B3GALT1: variants seen among roughly 807,000 people sequenced by gnomAD.
B3GALT1 encodes the protein UDP-Gal:betaGlcNAc beta 1,3-galactosyltransferase, polypeptide 1.
In B3GALT1, 10 loss-of-function variants were observed where a neutral mutation model predicts 23.2. The ratio of observed to expected loss-of-function variants is 0.43; its 90% CI spans 0.27 to 0.73. The LOEUF is 0.73. B3GALT1 is among the 30% of genes least tolerant of loss of function. B3GALT1 has a pLI of 0.21. For synonymous variants in B3GALT1, 156 were observed against 141.5 expected (o/e 1.10, Z -0.73); for missense variants, 299 against 405.4 (o/e 0.74, Z 2.25).
chr2:167,482,194 A>G (rs951342426), intron 1 of B3GALT1, among the ~76,000 whole-genome samples: 2 of 152,186 alleles, frequency 1.3e-5, no homozygotes, highest in African/African-American at 4.8e-5. Context: ...AAATAATCTC[A>G]TAGTCTGACT....
intron 2 of B3GALT1, among the ~76,000 whole-genome samples, chr2:167,511,429 C>G (rs1430397129): frequency 6.6e-6 from 1 of 152,088 alleles, no homozygotes; most frequent in Non-Finnish European, 1.5e-5. Flanking sequence ...CCTGTCACCA[C>G]GTGAAGAAGG....
chr2:167,355,291 C>T (rs1346650588), intron 1 of B3GALT1, among the ~76,000 whole-genome samples: 1 of 152,192 alleles, frequency 6.6e-6, no homozygotes, highest in Non-Finnish European at 1.5e-5. Flanking sequence ...TACAGATAAT[C>T]TAAAAGTGAG....
At chr2:167,672,934 A>G (rs1299309509) in intron 3 of B3GALT1, among the ~76,000 whole-genome samples, 2 of 151,622 alleles carry the variant, frequency 1.3e-5, no homozygotes, top group East Asian at 3.9e-4. Context: ...GTAAAACACC[A>G]GTAGATTCTA....
chr2:167,708,588 G>A (rs902065109), intron 3 of B3GALT1, among the ~76,000 whole-genome samples: 4 of 152,186 alleles, frequency 2.6e-5, no homozygotes, highest in Non-Finnish European at 5.9e-5. Context: ...TTGAAACTGG[G>A]AAGCAGAGGT....
At chr2:167,581,889 G>A (rs1192413404) in intron 2 of B3GALT1, among the ~76,000 whole-genome samples, 1 of 152,084 alleles carries the variant, frequency 6.6e-6, no homozygotes, top group East Asian at 1.9e-4. Flanking sequence ...TAAATTTTTA[G>A]GTCTGCTTTC....
At chr2:167,481,984 C>CT (rs1050413663) in intron 1 of B3GALT1, among the ~76,000 whole-genome samples, 4 of 151,390 alleles carry the variant, frequency 2.6e-5, no homozygotes, top group Admixed American at 6.6e-5. Flanking sequence ...CAATGTATTT[C>CT]TTTTTTTTTA....
chr2:167,559,218 AG>A (rs763600809), intron 2 of B3GALT1, among the ~76,000 whole-genome samples: 1 of 152,228 alleles, frequency 6.6e-6, no homozygotes, highest in Non-Finnish European at 1.5e-5. Flanking sequence ...GTGGACCTCT[AG>A]CAAACTCCAA....
intron 2 of B3GALT1, among the ~76,000 whole-genome samples, chr2:167,516,257 T>C (rs1435923325): frequency 6.6e-6 from 1 of 152,116 alleles, no homozygotes; most frequent in Non-Finnish European, 1.5e-5. Context: ...TTGTTAGGAC[T>C]GATTTAAGAA....
chr2:167,672,269 G>T (rs1437269447), intron 3 of B3GALT1, among the ~76,000 whole-genome samples: 1 of 151,944 alleles, frequency 6.6e-6, no homozygotes, highest in Non-Finnish European at 1.5e-5. Context: ...ATGAACCATG[G>T]TGCCAGCTGC....
At chr2:167,469,152 A>G (rs1299086605) in intron 1 of B3GALT1, among the ~76,000 whole-genome samples, 1 of 152,194 alleles carries the variant, frequency 6.6e-6, no homozygotes. Context: ...ATGTAGTGGT[A>G]TTCTGAGAAG....
intron 3 of B3GALT1, among the ~76,000 whole-genome samples, chr2:167,668,021 G>T (rs192365380): frequency 0.017 from 2,531 of 152,168 alleles, 67 homozygotes; most frequent in African/African-American, 0.057. Context: ...GAGGAGAGGC[G>T]CTCTGCTTTT....
At chr2:167,681,074 G>A (rs995448811) in intron 3 of B3GALT1, among the ~76,000 whole-genome samples, 3 of 152,136 alleles carry the variant, frequency 2.0e-5, no homozygotes, top group African/African-American at 4.8e-5. Context: ...GTGACAAGGA[G>A]CTCTGTATAA....
At chr2:167,356,248 C>T (rs1697401206) in intron 1 of B3GALT1, among the ~76,000 whole-genome samples, 1 of 152,172 alleles carries the variant, frequency 6.6e-6, no homozygotes, top group Non-Finnish European at 1.5e-5. Context: ...ATCTCAGCAA[C>T]TAAACTTTAT....
chr2:167,474,491 C>G (rs1265350537), intron 1 of B3GALT1, among the ~76,000 whole-genome samples: 1 of 152,066 alleles, frequency 6.6e-6, no homozygotes. Flanking sequence ...TGTCTTATCT[C>G]CAGAGGTAGA....
chr2:167,326,726 A>G (rs543868681), intron 1 of B3GALT1, among the ~76,000 whole-genome samples: 18 of 151,970 alleles, frequency 1.2e-4, no homozygotes, highest in Middle Eastern at 3.4e-3. Context: ...GTTTCACTCT[A>G]TCGCCCAGGC....
intron 3 of B3GALT1, among the ~76,000 whole-genome samples, chr2:167,799,486 C>T (rs949412618): frequency 2.0e-5 from 3 of 152,144 alleles, no homozygotes; most frequent in African/African-American, 4.8e-5. Context: ...GCATTTCTCT[C>T]GTTGTTGATG....
chr2:167,351,434 G>A (rs1049489144), intron 1 of B3GALT1, among the ~76,000 whole-genome samples: 1 of 152,084 alleles, frequency 6.6e-6, no homozygotes, highest in Non-Finnish European at 1.5e-5. Flanking sequence ...ATGAAATAAA[G>A]TATACCTCCT....
chr2:167,504,604 T>C (rs538361075), intron 2 of B3GALT1, among the ~76,000 whole-genome samples: 1 of 152,172 alleles, frequency 6.6e-6, no homozygotes, highest in Non-Finnish European at 1.5e-5. Flanking sequence ...GCTGACTGAT[T>C]AATGAAATGA....
At chr2:167,618,092 A>C (rs919418049) in intron 2 of B3GALT1, among the ~76,000 whole-genome samples, 1 of 152,058 alleles carries the variant, frequency 6.6e-6, no homozygotes, top group Admixed American at 6.6e-5. Flanking sequence ...CGAAGGTAGA[A>C]AATGCTTTAG....
Sources: gnomAD v4.1 joint callset for allele counts (sites outside exome capture counted in the v4.1 genomes callset) on GRCh38, gnomAD v4.1.1 for gene constraint, MANE v1.5 for transcripts, NCBI Gene and HGNC (gene_info 2026-07-23, HGNC 2026-07-21) for gene names.